Variants in MLLT3 observed in about 807,000 individuals in gnomAD.
The protein encoded by MLLT3 is protein AF-9.
In MLLT3, 4 loss-of-function variants were observed where a neutral mutation model predicts 53.2. That is an observed-to-expected ratio of 0.08 (90% CI 0.04 to 0.17). MLLT3 has a LOEUF of 0.17. MLLT3 is among the 10% of genes least tolerant of loss of function. The probability of loss-of-function intolerance (pLI) is 1.00; values close to 1 mark genes in which losing one functional copy is unlikely to be tolerated. For missense variants in MLLT3, 569 were observed against 684.0 expected (o/e 0.83, Z 1.87); for synonymous variants, 283 against 230.6 (o/e 1.23, Z -2.06).
intron 5 of MLLT3, among the ~76,000 whole-genome samples, chr9:20,403,958 T>G (rs971655068): frequency 2.6e-5 from 4 of 152,056 alleles, no homozygotes; most frequent in African/African-American, 9.7e-5. Flanking sequence ...AGCTTGGGAC[T>G]ACAGGTGAGA....
At chr9:20,534,529 G>T (rs1818428866) in intron 2 of MLLT3, among the ~76,000 whole-genome samples, 1 of 152,192 alleles carries the variant, frequency 6.6e-6, no homozygotes, top group South Asian at 2.1e-4. Context: ...CTCCTTGGAT[G>T]AACAGAACAC....
intron 5 of MLLT3, among the ~76,000 whole-genome samples, chr9:20,390,838 C>A (rs1822161470): frequency 6.6e-6 from 1 of 152,124 alleles, no homozygotes; most frequent in Admixed American, 6.6e-5. Context: ...GTGTGCCAGG[C>A]ATGGTGGTGC....
chr9:20,563,026 G>A (rs1040441567), intron 2 of MLLT3, among the ~76,000 whole-genome samples: 1 of 152,094 alleles, frequency 6.6e-6, no homozygotes, highest in Non-Finnish European at 1.5e-5. Context: ...CTGCTGGCTT[G>A]CTAGCTTAGA....
At chr9:20,601,257 T>C (rs773923802) in intron 2 of MLLT3, among the ~76,000 whole-genome samples, 1 of 152,208 alleles carries the variant, frequency 6.6e-6, no homozygotes, top group South Asian at 2.1e-4. Flanking sequence ...AGGCGTTTTG[T>C]ATTCAAAAAG....
intron 2 of MLLT3, among the ~76,000 whole-genome samples, chr9:20,553,535 C>A (rs924306470): frequency 1.3e-5 from 2 of 152,168 alleles, no homozygotes; most frequent in Admixed American, 6.5e-5. Context: ...CTGAACACCT[C>A]CTAGAGCCAG....
chr9:20,598,040 C>T (rs1820322081), intron 2 of MLLT3, among the ~76,000 whole-genome samples: 1 of 152,266 alleles, frequency 6.6e-6, no homozygotes, highest in Non-Finnish European at 1.5e-5. Context: ...TAACAAACCA[C>T]AATTTGTGCC....
rs146002395 is a variant in MLLT3 at position 20,474,405 on chromosome 9, CA to C, written c.194-17620del. Among the ~76,000 whole-genome samples, 5 of 152,172 alleles carry C rather than the reference CA, an allele frequency of 3.3e-5. No individual in the cohort carries two copies. In the East Asian group the frequency reaches 5.8e-4, roughly 18 times the overall value. On this transcript the variant is annotated intron_variant, in intron 2 of 10. Transcript: ENST00000380338. ...ACATTTTCAATGACTAGCTGACCCACAATTAATATTCATTATGTGAAGCCAA... is the reference window on the plus strand; with the variant it reads ...ACATTTTCAATGACTAGCTGACCCACATTAATATTCATTATGTGAAGCCAA...
intron 2 of MLLT3, among the ~76,000 whole-genome samples, chr9:20,515,163 G>C (rs1251572828): frequency 6.6e-6 from 1 of 152,022 alleles, no homozygotes; most frequent in Non-Finnish European, 1.5e-5. Flanking sequence ...GGCCAGGCTG[G>C]TCTCAAACTC....
rs12005830 is a variant in MLLT3, at chr9:20,531,438, C to T, written c.194-74652G>A. Among the ~76,000 whole-genome samples the T allele has an allele frequency of 3.0e-3, 452 of 152,210 alleles. 1 individual carries two copies. The highest frequency in any genetic ancestry group is 0.01 in the African/African-American group (420 of 41,542). Reference sequence around the variant, plus strand: ...GGTGTGAGCCACTGTACCTGGCCTCCTTTCAACTTTATATTCACCTATTTT... The same window carrying T: ...GGTGTGAGCCACTGTACCTGGCCTCTTTTCAACTTTATATTCACCTATTTT... On this transcript the variant is annotated intron_variant, in intron 2 of 10. Coordinates refer to ENST00000380338, the MANE Select transcript of MLLT3 (RefSeq NM_004529.4).
At chr9:20,372,868 T>C (rs1821648945) in intron 5 of MLLT3, among the ~76,000 whole-genome samples, 1 of 152,088 alleles carries the variant, frequency 6.6e-6, no homozygotes, top group Non-Finnish European at 1.5e-5. Flanking sequence ...CAAGGTATAT[T>C]TTAATAAGGT....
At chr9:20,530,569 G>A (rs1038441661) in intron 2 of MLLT3, among the ~76,000 whole-genome samples, 5 of 152,262 alleles carry the variant, frequency 3.3e-5, no homozygotes, top group Non-Finnish European at 2.9e-5. Context: ...TCAGAAATCC[G>A]TACCTATATT....
intron 2 of MLLT3, among the ~76,000 whole-genome samples, chr9:20,534,495 C>G (rs773600660): frequency 1.3e-5 from 2 of 152,194 alleles, no homozygotes; most frequent in Non-Finnish European, 2.9e-5. Context: ...TAGCATTCCC[C>G]TTCATTTTTC....
chr9:20,489,859 C>G (rs963653811), intron 2 of MLLT3, among the ~76,000 whole-genome samples: 22 of 152,168 alleles, frequency 1.4e-4, no homozygotes, highest in African/African-American at 5.3e-4. Context: ...ATTTTCCAAG[C>G]AGGTGCCAGA....
intron 2 of MLLT3, among the ~76,000 whole-genome samples, 194 bp from the exon 3 acceptor site, chr9:20,456,980 AAAGCAGATATGT>A (rs755474236): frequency 1.4e-4 from 21 of 152,154 alleles, no homozygotes; most frequent in Non-Finnish European, 3.1e-4. Flanking sequence ...GCTCTTATGT[AAAGCAGATATGT>A]AAGTCATTTA....
intron 2 of MLLT3, among the ~76,000 whole-genome samples, chr9:20,475,659 C>T (rs1047473596): frequency 1.3e-5 from 2 of 151,954 alleles, no homozygotes; most frequent in South Asian, 2.1e-4. Context: ...TGGTTCAGGT[C>T]CCCGGGTCAG....
intron 4 of MLLT3, chr9:20,418,354 G>A (rs1249780598): frequency 6.6e-6 from 1 of 152,200 alleles, no homozygotes; most frequent in Non-Finnish European, 1.5e-5. Context: ...TAGCCAATGA[G>A]GTTTATGCGA....
At chr9:20,605,620 G>T (rs1041469968) in intron 2 of MLLT3, among the ~76,000 whole-genome samples, 1 of 151,756 alleles carries the variant, frequency 6.6e-6, no homozygotes, top group Non-Finnish European at 1.5e-5. Context: ...CAAGTAATTC[G>T]CCTAAAGAAC....
At chr9:20,515,228 G>C (rs1042847340) in intron 2 of MLLT3, among the ~76,000 whole-genome samples, 1 of 152,130 alleles carries the variant, frequency 6.6e-6, no homozygotes, top group Admixed American at 6.5e-5. Flanking sequence ...TTACAGGCGT[G>C]AGCCACTGCG....
At chr9:20,595,458 C>T (rs1820238457) in intron 2 of MLLT3, among the ~76,000 whole-genome samples, 1 of 152,022 alleles carries the variant, frequency 6.6e-6, no homozygotes, top group Non-Finnish European at 1.5e-5. Context: ...TTACCACATA[C>T]TTCACTAAGT....
Sources: allele counts gnomAD v4.1 joint callset (sites outside exome capture counted in the v4.1 genomes callset), GRCh38; gene constraint gnomAD v4.1.1; transcripts MANE v1.5; gene names NCBI Gene and HGNC (gene_info 2026-07-23, HGNC 2026-07-21).